Variants in MLLT10 observed in about 807,000 individuals in gnomAD.
MLLT10 encodes the protein protein AF-10.
A neutral mutation model predicts 129.1 loss-of-function variants in MLLT10; 30 were observed. The observed-to-expected ratio is 0.23, with a 90% confidence interval of 0.17 to 0.32. The LOEUF (loss-of-function observed/expected upper bound fraction) is 0.32, where lower values mean the gene tolerates loss of function less well. Ranked by LOEUF, MLLT10 falls within the 10% of genes least tolerant of loss-of-function variation. MLLT10 has a pLI of 1.00. For missense variants in MLLT10, 1,119 were observed against 1,268.3 expected (o/e 0.88, Z 1.79); for synonymous variants, 490 against 446.4 (o/e 1.10, Z -1.23).
chr10:21,671,972 A>C (rs929060411), intron 10 of MLLT10, among the ~76,000 whole-genome samples: 3 of 152,122 alleles, frequency 2.0e-5, no homozygotes, highest in African/African-American at 7.2e-5. Flanking sequence ...ACAAACAAAA[A>C]ACCAAAAACA....
intron 4 of MLLT10, among the ~76,000 whole-genome samples, chr10:21,590,121 T>C (rs1398056033): frequency 6.6e-6 from 1 of 152,030 alleles, no homozygotes; most frequent in Non-Finnish European, 1.5e-5. Context: ...GTATTTTTTG[T>C]AGAGACACGT....
At chr10:21,625,649 A>C in intron 8 of MLLT10, 1 of 761,182 alleles carries the variant, frequency 1.3e-6, no homozygotes, top group Non-Finnish European at 2.5e-6. Context: ...GACTTTACTG[A>C]ATTCTTCCAG....
At chr10:21,717,542 C>CT (rs1483509223) in intron 14 of MLLT10, among the ~76,000 whole-genome samples, 1 of 115,654 alleles carries the variant, frequency 8.6e-6, no homozygotes, top group Non-Finnish European at 1.7e-5. Flanking sequence ...CCTCCTCCTC[C>CT]CTTCTTCTTT....
chr10:21,697,632 A>C (rs2054504915), intron 13 of MLLT10, among the ~76,000 whole-genome samples: 1 of 152,234 alleles, frequency 6.6e-6, no homozygotes, highest in Non-Finnish European at 1.5e-5. Flanking sequence ...CAACCCACCA[A>C]ATAGTTAACA....
At chr10:21,538,228 G>A (rs1325512745) in intron 2 of MLLT10, among the ~76,000 whole-genome samples, 1 of 150,478 alleles carries the variant, frequency 6.6e-6, no homozygotes, top group Non-Finnish European at 1.5e-5. Flanking sequence ...GCAATGGTGC[G>A]ATCTTACCTC....
chr10:21,615,689 A>T (rs1440288962), intron 7 of MLLT10, among the ~76,000 whole-genome samples: 1 of 152,112 alleles, frequency 6.6e-6, no homozygotes, highest in Admixed American at 6.5e-5. Flanking sequence ...ACTGGGAAAT[A>T]GTAAAACTGA....
intron 3 of MLLT10, among the ~76,000 whole-genome samples, chr10:21,544,284 C>T (rs1311303703): frequency 2.0e-5 from 3 of 152,092 alleles, no homozygotes; most frequent in South Asian, 2.1e-4. Flanking sequence ...GTCTCAAAAG[C>T]GAGTAAATTC....
chr10:21,634,200 C>T (rs2047253587), intron 8 of MLLT10, among the ~76,000 whole-genome samples: 1 of 152,082 alleles, frequency 6.6e-6, no homozygotes, highest in Non-Finnish European at 1.5e-5. Context: ...AGATCACACC[C>T]AGCCTGGGTG....
intron 10 of MLLT10, among the ~76,000 whole-genome samples, chr10:21,671,901 C>T (rs141079178): frequency 6.6e-5 from 10 of 151,908 alleles, no homozygotes; most frequent in African/African-American, 1.2e-4. Context: ...TACAGTGAGC[C>T]GTGATTGTGC....
Position 21,740,062 on chromosome 10 carries a change from G to C in MLLT10, c.2988G>C (p.Met996Ile). Residue 996 changes from methionine (M) to isoleucine (I), a missense_variant, in exon 22 of 23, where the codon ATG becomes ATC. By Grantham distance (10) the Met-to-Ile change is conservative. Coordinates refer to ENST00000307729, the MANE Select transcript of MLLT10 (RefSeq NM_001195626.3). The stretch of plus-strand genomic sequence containing the variant: ...ATCAAGCCTTTTTGTATCAGTTAAT[G>C]CAACATCACCACCAGCAGCACCACC... The part of the protein sequence containing the change: ...EQHQAFLYQL[M>I]QHHHQQHHQP... 6.2e-7 allele frequency: 1 copy of C among 1,612,552 alleles called. No individual in the cohort carries two copies. The highest frequency in any genetic ancestry group is 1.7e-5 in the Admixed American group (1 of 59,708).
At chr10:21,713,067 G>C (rs536609859) in intron 13 of MLLT10, among the ~76,000 whole-genome samples, 1 of 152,220 alleles carries the variant, frequency 6.6e-6, no homozygotes, top group South Asian at 2.1e-4. Context: ...AGTCTCCCAT[G>C]ATTTTCACCT....
chr10:21,616,342 A>G (rs1045155295), intron 7 of MLLT10, among the ~76,000 whole-genome samples: 5 of 152,112 alleles, frequency 3.3e-5, no homozygotes, highest in Admixed American at 2.6e-4. Flanking sequence ...TGGGAAAAAT[A>G]TCTGTTTAAT....
chr10:21,598,612 G>C (rs145914112), intron 5 of MLLT10, among the ~76,000 whole-genome samples: 4 of 152,180 alleles, frequency 2.6e-5, no homozygotes, highest in African/African-American at 7.2e-5. Flanking sequence ...GGCCAGGCGC[G>C]ATGGCTTATG....
rs1204171479 is a variant in MLLT10, at chr10:21,731,072, T to C, written c.2218+18T>C. ...TAGTGACAGTAAGTATTCATTTTCT[T>C]ATATGTGAATCAAGACAGATGGGCA... On this transcript the variant is annotated intron_variant, in intron 17 of 22. Transcript: ENST00000307729. 1 of 1,592,926 alleles carries C rather than the reference T, an allele frequency of 6.3e-7. No homozygotes were observed. Among genetic ancestry groups the C allele is most frequent in the Non-Finnish European group, 8.5e-7 (1 of 1,170,858 alleles).
Position 21,582,920 on chromosome 10 carries a change from G to A in MLLT10, c.241-3374G>A, listed in dbSNP as rs142417468. Among the ~76,000 whole-genome samples the A allele has an allele frequency of 3.5e-4, 53 of 152,278 alleles. 1 individual carries two copies. In the East Asian group the frequency reaches 8.9e-3, roughly 25 times the overall value. ...GGTGAGGTGGCTCACTGTAATCCTA[G>A]CACTTTAGGAGGCTGAGGTGAGTGG... On this transcript the variant is annotated intron_variant, in intron 3 of 22. Transcript: ENST00000307729.
chr10:21,566,064 T>C (rs2039516891), intron 3 of MLLT10, among the ~76,000 whole-genome samples: 1 of 148,610 alleles, frequency 6.7e-6, no homozygotes, highest in African/African-American at 2.5e-5. Flanking sequence ...ACGATTCTCC[T>C]GACTCAGCCT....
At chr10:21,648,936 A>G (rs1018384412) in intron 8 of MLLT10, among the ~76,000 whole-genome samples, 1 of 151,894 alleles carries the variant, frequency 6.6e-6, no homozygotes, top group African/African-American at 2.4e-5. Context: ...GGAAAAACCC[A>G]CCCCTATGAT....
chr10:21,585,791 C>T lies in MLLT10; in HGVS notation c.241-503C>T, dbSNP rs191512823. ...GTTTTGTTTCTTTTAGTTGGAGTTT[C>T]GTTTTTGTTGCCCAGACTGGAGTGC... On this transcript the variant is annotated intron_variant, in intron 3 of 22. Coordinates refer to ENST00000307729, the MANE Select transcript of MLLT10 (RefSeq NM_001195626.3). Among the ~76,000 whole-genome samples the T allele has an allele frequency of 1.2e-3, 190 of 152,098 alleles. 1 individual carries two copies. The highest frequency in any genetic ancestry group is 4.0e-3 in the African/African-American group (166 of 41,500).
chr10:21,555,936 G>A (rs1191137071), intron 3 of MLLT10, among the ~76,000 whole-genome samples: 1 of 151,584 alleles, frequency 6.6e-6, no homozygotes, highest in African/African-American at 2.4e-5. Flanking sequence ...AAAAGTGCTG[G>A]GATTACAGCA....
Sources: gnomAD v4.1 joint callset for allele counts (sites outside exome capture counted in the v4.1 genomes callset) on GRCh38, gnomAD v4.1.1 for gene constraint, MANE v1.5 for transcripts, NCBI Gene and HGNC (gene_info 2026-07-23, HGNC 2026-07-21) for gene names.